CYYR1: variants seen among roughly 807,000 people sequenced by gnomAD.
CYYR1 encodes the protein cysteine and tyrosine rich 1.
In CYYR1, 14 loss-of-function variants were observed where a neutral mutation model predicts 15.2. The observed-to-expected ratio is 0.92, with a 90% CI of 0.61 to 1.44. CYYR1 has a LOEUF of 1.44. CYYR1 is among the 40% of genes most tolerant of loss of function. The pLI, the probability that CYYR1 is intolerant of heterozygous loss-of-function variation, is 0.00. For missense variants in CYYR1, 228 were observed against 209.5 expected (o/e 1.09, Z -0.54); for synonymous variants, 80 against 77.4 (o/e 1.03, Z -0.18).
intron 2 of CYYR1, among the ~76,000 whole-genome samples, chr21:26,563,366 G>A (rs1254927192): frequency 6.6e-6 from 1 of 151,760 alleles, no homozygotes; most frequent in African/African-American, 2.4e-5. Context: ...GAGGCCAGGA[G>A]TCCAACACCA....
At chr21:26,478,052 T>C in intron 3 of CYYR1, 1 of 1,548,694 alleles carries the variant, frequency 6.5e-7, no homozygotes. Flanking sequence ...TGAGTGCCCA[T>C]TATGTACCAG....
chr21:26,490,684 T>C (rs970701251), intron 2 of CYYR1, among the ~76,000 whole-genome samples: 1 of 152,162 alleles, frequency 6.6e-6, no homozygotes, highest in Admixed American at 6.6e-5. Flanking sequence ...ACCAAATATG[T>C]GAGGACCTAA....
chr21:26,491,141 G>T (rs1221916314), intron 2 of CYYR1, among the ~76,000 whole-genome samples: 1 of 152,132 alleles, frequency 6.6e-6, no homozygotes. Flanking sequence ...CTGCACACAG[G>T]CTTTCCTGCT....
chr21:26,571,467 G>A (rs1601845463), intron 1 of CYYR1, among the ~76,000 whole-genome samples: 1 of 152,350 alleles, frequency 6.6e-6, no homozygotes, highest in East Asian at 1.9e-4. Flanking sequence ...AACAGGAGGA[G>A]GGGGCAGATG....
chr21:26,479,883 A>G (rs1004302489), intron 3 of CYYR1, among the ~76,000 whole-genome samples: 2 of 152,140 alleles, frequency 1.3e-5, no homozygotes, highest in Non-Finnish European at 2.9e-5. Flanking sequence ...ATTTTCTTGA[A>G]TGCTTTTTCT....
At chr21:26,558,852 A>AT (rs1299626596) in intron 2 of CYYR1, among the ~76,000 whole-genome samples, 9 of 152,312 alleles carry the variant, frequency 5.9e-5, no homozygotes, top group Admixed American at 5.9e-4. Flanking sequence ...TTGCACGAAT[A>AT]TACTCTATCC....
At chr21:26,492,818 C>T (rs183003469) in intron 2 of CYYR1, among the ~76,000 whole-genome samples, 22 of 152,094 alleles carry the variant, frequency 1.4e-4, no homozygotes, top group Non-Finnish European at 2.9e-5. Context: ...TTAAGGGAGA[C>T]TAAGACTGGG....
intron 3 of CYYR1, among the ~76,000 whole-genome samples, chr21:26,473,629 A>G (rs931140712): frequency 1.3e-5 from 2 of 152,124 alleles, no homozygotes; most frequent in African/African-American, 4.8e-5. Flanking sequence ...TGCCTCCACC[A>G]TGCAACTCCT....
At chr21:26,482,439 C>T (rs1025206786) in intron 2 of CYYR1, 27 of 985,174 alleles carry the variant, frequency 2.7e-5, no homozygotes, top group Non-Finnish European at 3.3e-5. Context: ...TTCCTTCTTA[C>T]AGCAACTAAG....
At chr21:26,531,388 A>G (rs973815518) in intron 2 of CYYR1, among the ~76,000 whole-genome samples, 2 of 152,120 alleles carry the variant, frequency 1.3e-5, no homozygotes, top group Non-Finnish European at 2.9e-5. Context: ...CTGTGTCCCC[A>G]CCCAAATCTC....
At chr21:26,554,149 A>G (rs1188884349) in intron 2 of CYYR1, among the ~76,000 whole-genome samples, 1 of 152,178 alleles carries the variant, frequency 6.6e-6, no homozygotes, top group Admixed American at 6.5e-5. Flanking sequence ...GAAATTCTCA[A>G]CTGTTACATA....
chr21:26,472,785 A>G (rs1387823882), intron 3 of CYYR1, among the ~76,000 whole-genome samples: 1 of 152,166 alleles, frequency 6.6e-6, no homozygotes, highest in African/African-American at 2.4e-5. Flanking sequence ...ATAACAAAAT[A>G]TATAGTTATT....
intron 2 of CYYR1, among the ~76,000 whole-genome samples, chr21:26,540,464 G>A (rs1978471193): frequency 6.6e-6 from 1 of 152,076 alleles, no homozygotes; most frequent in African/African-American, 2.4e-5. Context: ...AAAAGTGAGA[G>A]GGGAAATCAT....
chr21:26,495,840 G>C (rs2065393897), intron 2 of CYYR1, among the ~76,000 whole-genome samples: 1 of 152,160 alleles, frequency 6.6e-6, no homozygotes, highest in Non-Finnish European at 1.5e-5. Flanking sequence ...ATATCAAAGG[G>C]GTTTAAACTC....
chr21:26,564,842 G>A, intron 2 of CYYR1: 1 of 1,198,732 alleles, frequency 8.3e-7, no homozygotes, highest in Non-Finnish European at 1.1e-6. Flanking sequence ...TGTGGAGACA[G>A]TTTGAGAAAA....
intron 3 of CYYR1, among the ~76,000 whole-genome samples, chr21:26,473,050 G>A (rs2065055285): frequency 6.6e-6 from 1 of 152,010 alleles, no homozygotes; most frequent in Middle Eastern, 3.4e-3. Context: ...CTTTTGCTAT[G>A]TCTCCTTTAC....
In CYYR1 at chr21:26,566,321, C is replaced by A; in HGVS notation, c.121G>T (p.Asp41Tyr). 1 of 1,613,922 alleles carries A rather than the reference C, an allele frequency of 6.2e-7. No homozygotes were observed. Among genetic ancestry groups the A allele is most frequent in the Non-Finnish European group, 8.5e-7 (1 of 1,179,884 alleles). Residue 41 changes from aspartate (D) to tyrosine (Y), a missense_variant, in exon 2 of 4, where the codon GAT becomes TAT. Transcript: ENST00000652641. ...GAGCAACAGTAGGGCGTGGTTCCAT[C>A]ACAGCAGTAAGATTTGCAATCTTTG... Reference protein sequence around the residue: ...CGKDCKSYCCDGTTPYCCSYY... With the variant: ...CGKDCKSYCCYGTTPYCCSYY...
chr21:26,468,486 G>C lies in CYYR1; in HGVS notation c.*15C>G, dbSNP rs369295653. On this transcript the variant is annotated 3_prime_UTR_variant, in exon 4 of 4. Transcript: ENST00000652641. ...AAGATCGCCCATTGGCACATGTTCT[G>C]TTCTGGGAGATAGATTATTTCCTTG... The C allele has an allele frequency of 6.7e-7, 1 of 1,482,210 alleles. No individual in the cohort carries two copies. The highest frequency in any genetic ancestry group is 9.4e-7 in the Non-Finnish European group (1 of 1,059,496). 91.8% of individuals were successfully genotyped at this position (1,482,210 alleles called of 1,614,324 possible).
At chr21:26,512,235 G>T (rs1200192546) in intron 2 of CYYR1, among the ~76,000 whole-genome samples, 1 of 151,768 alleles carries the variant, frequency 6.6e-6, no homozygotes, top group South Asian at 2.1e-4. Flanking sequence ...GTCTCACTCT[G>T]TCACTCAGGC....
Sources: allele counts gnomAD v4.1 joint callset (sites outside exome capture counted in the v4.1 genomes callset), GRCh38; gene constraint gnomAD v4.1.1; transcripts MANE v1.5; gene names NCBI Gene and HGNC (gene_info 2026-07-23, HGNC 2026-07-21).